The following ZNF609 variants were observed in gnomAD, a reference collection of about 807,000 sequenced individuals.
ZNF609 encodes the protein zinc finger protein 609.
ZNF609 carries 11 observed loss-of-function variants against 109.5 expected under a neutral mutation model. The ratio of observed to expected loss-of-function variants is 0.10; its 90% confidence interval spans 0.06 to 0.17. The LOEUF (loss-of-function observed/expected upper bound fraction) is 0.17, where lower values mean the gene tolerates loss of function less well. Ranked by LOEUF, ZNF609 falls within the 10% of genes least tolerant of loss-of-function variation. The pLI is 1.00. For synonymous variants in ZNF609, 646 were observed against 662.0 expected (o/e 0.98, Z 0.37); for missense variants, 1,559 against 1,772.4 (o/e 0.88, Z 2.16).
chr15:64,680,885 C>T, intron 8 of ZNF609, 23 bp downstream of exon 8: 1 of 1,603,464 alleles, frequency 6.2e-7, no homozygotes, highest in Non-Finnish European at 8.5e-7. Context: ...TCCCTACCAC[C>T]TGTTGTTTTG....
chr15:64,653,018 G>C (rs1245021222), intron 3 of ZNF609: 2 of 152,218 alleles, frequency 1.3e-5, no homozygotes. Flanking sequence ...GATACTCCAA[G>C]TCTGTACAGA....
chr15:64,477,527 A>G (rs983530520), intron 1 of ZNF609, among the ~76,000 whole-genome samples: 16 of 151,998 alleles, frequency 1.1e-4, no homozygotes, highest in Admixed American at 3.3e-4. Flanking sequence ...CTGATAGGAA[A>G]CAGAAGTCCC....
intron 2 of ZNF609, among the ~76,000 whole-genome samples, chr15:64,513,997 C>T (rs1197368754): frequency 3.3e-5 from 5 of 150,774 alleles, no homozygotes; most frequent in Non-Finnish European, 7.4e-5. Context: ...GAGGCTGAGG[C>T]GGAAGGATCA....
intron 1 of ZNF609, among the ~76,000 whole-genome samples, chr15:64,481,417 T>A (rs1046596381): frequency 6.7e-6 from 1 of 148,448 alleles, no homozygotes; most frequent in Admixed American, 6.9e-5. Flanking sequence ...GCCTCCCAGG[T>A]TCAAGCGATT....
At chr15:64,541,027 CA>C (rs1287975678) in intron 2 of ZNF609, among the ~76,000 whole-genome samples, 820 of 53,706 alleles carry the variant, frequency 0.015, 6 homozygotes, top group African/African-American at 0.046. Context: ...GACTCTGTCT[CA>C]AAAAAAAAAA....
At chr15:64,564,472 G>A (rs1375132457) in intron 2 of ZNF609, among the ~76,000 whole-genome samples, 1 of 152,150 alleles carries the variant, frequency 6.6e-6, no homozygotes, top group African/African-American at 2.4e-5. Context: ...GGGTGTTAGG[G>A]TAACATTTAG....
intron 3 of ZNF609, among the ~76,000 whole-genome samples, chr15:64,644,544 A>G (rs1402076626): frequency 6.6e-6 from 1 of 152,188 alleles, no homozygotes; most frequent in South Asian, 2.1e-4. Context: ...AAAATATAAC[A>G]GATGATGGAT....
intron 2 of ZNF609, among the ~76,000 whole-genome samples, chr15:64,578,183 C>T (rs1471149323): frequency 1.3e-5 from 2 of 150,012 alleles, no homozygotes; most frequent in Admixed American, 6.6e-5. Context: ...CTTGCACTGT[C>T]GCCCAGCCTG....
At chr15:64,614,952 G>A (rs1895776127) in intron 2 of ZNF609, among the ~76,000 whole-genome samples, 1 of 151,536 alleles carries the variant, frequency 6.6e-6, no homozygotes. Flanking sequence ...CTGAGTAGCT[G>A]GGATTGCAGG....
At chr15:64,554,220 T>C (rs540043176) in intron 2 of ZNF609, among the ~76,000 whole-genome samples, 7 of 152,328 alleles carry the variant, frequency 4.6e-5, no homozygotes, top group South Asian at 2.1e-4. Flanking sequence ...TTTTCATAGA[T>C]TTTCTTTTTC....
intron 2 of ZNF609, among the ~76,000 whole-genome samples, chr15:64,600,873 AGTT>A (rs1009681037): frequency 2.2e-4 from 34 of 151,734 alleles, no homozygotes; most frequent in African/African-American, 7.0e-4. Context: ...TGCTCTAGGG[AGTT>A]GTTGTAGAGC....
intron 6 of ZNF609, among the ~76,000 whole-genome samples, chr15:64,679,441 A>AT (rs1217331806): frequency 4.6e-5 from 7 of 152,182 alleles, no homozygotes; most frequent in Non-Finnish European, 4.4e-5. Flanking sequence ...CCAAAGAACC[A>AT]TGTGGGGTGC....
At chr15:64,518,481 C>T (rs1419393280) in intron 2 of ZNF609, among the ~76,000 whole-genome samples, 1 of 152,130 alleles carries the variant, frequency 6.6e-6, no homozygotes, top group Non-Finnish European at 1.5e-5. Context: ...GCCTTAAAAG[C>T]CTTGTTAAAG....
chr15:64,486,537 A>C (rs985327971), intron 1 of ZNF609, among the ~76,000 whole-genome samples: 8 of 152,188 alleles, frequency 5.3e-5, no homozygotes, highest in Non-Finnish European at 1.0e-4. Flanking sequence ...AAAAAAAAAA[A>C]AAAAATTGTT....
chr15:64,540,418 T>C (rs952419206), intron 2 of ZNF609, among the ~76,000 whole-genome samples: 1 of 152,160 alleles, frequency 6.6e-6, no homozygotes, highest in Non-Finnish European at 1.5e-5. Flanking sequence ...TTTTTGTTTT[T>C]GTTTGGTACG....
chr15:64,509,924 G>C (rs1271681213), intron 2 of ZNF609, among the ~76,000 whole-genome samples: 6 of 152,186 alleles, frequency 3.9e-5, no homozygotes, highest in African/African-American at 1.4e-4. Flanking sequence ...GAGGATTGAA[G>C]TACTGTAGTC....
At chr15:64,478,684 ATG>A (rs1161852505) in intron 1 of ZNF609, among the ~76,000 whole-genome samples, 1 of 152,102 alleles carries the variant, frequency 6.6e-6, no homozygotes, top group Non-Finnish European at 1.5e-5. Context: ...GCCAGAATAA[ATG>A]AATTTTGTGG....
intron 2 of ZNF609, among the ~76,000 whole-genome samples, chr15:64,536,353 G>A (rs1245342176): frequency 2.6e-5 from 4 of 152,110 alleles, no homozygotes; most frequent in Non-Finnish European, 1.5e-5. Context: ...GTTTATGACT[G>A]TATAGCCTCT....
chr15:64,668,187 A>G (rs1345998075), intron 3 of ZNF609, among the ~76,000 whole-genome samples: 1 of 152,234 alleles, frequency 6.6e-6, no homozygotes, highest in Non-Finnish European at 1.5e-5. Flanking sequence ...TGTTAATAAT[A>G]GAAATCTAAT....
Sources: allele counts gnomAD v4.1 joint callset (sites outside exome capture counted in the v4.1 genomes callset), GRCh38; gene constraint gnomAD v4.1.1; transcripts MANE v1.5; gene names NCBI Gene and HGNC (gene_info 2026-07-23, HGNC 2026-07-21).